Variants in UCHL5 observed in about 807,000 individuals in gnomAD.
UCHL5 encodes ubiquitin carboxyl-terminal hydrolase isozyme L5.
A neutral mutation model predicts 53.8 loss-of-function variants in UCHL5; 34 were observed. The observed-to-expected ratio is 0.63, with a 90% CI of 0.48 to 0.84. The LOEUF (loss-of-function observed/expected upper bound fraction) is 0.84, where lower values mean the gene tolerates loss of function less well. UCHL5 is among the 40% of genes least tolerant of loss of function. The pLI, the probability that UCHL5 is intolerant of heterozygous loss-of-function variation, is 0.00. For synonymous variants in UCHL5, 111 were observed against 126.3 expected, an observed-to-expected ratio of 0.88 and a Z score of 0.81; for missense variants, 290 against 385.6, an observed-to-expected ratio of 0.75 and a Z score of 2.08.
At chr1:193,053,776 A>AG (rs948486582) in intron 1 of UCHL5, among the ~76,000 whole-genome samples, 2 of 152,152 alleles carry the variant, frequency 1.3e-5, no homozygotes, top group African/African-American at 4.8e-5. Context: ...AAAGTTGAGG[A>AG]GGGGGGAAGG....
At chr1:193,043,298 G>C (rs1666321912) in intron 3 of UCHL5, among the ~76,000 whole-genome samples, 1 of 151,498 alleles carries the variant, frequency 6.6e-6, no homozygotes, top group South Asian at 2.1e-4. Flanking sequence ...GCTCTGCACA[G>C]TTCAGCTACA....
chr1:193,016,453 G>C, intron 10 of UCHL5, 58 bp from the exon 11 acceptor site: 1 of 1,506,012 alleles, frequency 6.6e-7, no homozygotes, highest in Non-Finnish European at 9.0e-7. Flanking sequence ...GACTATATTA[G>C]AATAAAATGT....
At chr1:193,041,905 T>A (rs1007384632) in intron 3 of UCHL5, among the ~76,000 whole-genome samples, 1 of 152,048 alleles carries the variant, frequency 6.6e-6, no homozygotes, top group Non-Finnish European at 1.5e-5. Flanking sequence ...GGGAGAATCA[T>A]TTGAGTCTAG....
chr1:193,025,354 T>C (rs1374309282), intron 7 of UCHL5, among the ~76,000 whole-genome samples: 1 of 152,120 alleles, frequency 6.6e-6, no homozygotes, highest in East Asian at 1.9e-4. Context: ...GGTTCCTAGG[T>C]TGGTATTTAA....
chr1:193,059,401 G>A (rs1381576361), upstream of UCHL5: 1 of 1,609,882 alleles, frequency 6.2e-7, no homozygotes, highest in Non-Finnish European at 8.5e-7. The surrounding 1 kb of genome is among the most constrained non-coding windows in gnomAD (Gnocchi z 4.9). Context: ...GACAGCCTCC[G>A]GGCGCCGTCA....
At chr1:193,046,885 A>G (rs1305854308) in intron 3 of UCHL5, among the ~76,000 whole-genome samples, 2 of 151,796 alleles carry the variant, frequency 1.3e-5, no homozygotes, top group African/African-American at 4.8e-5. Flanking sequence ...TTAGCAAACA[A>G]AATTATAAGG....
chr1:193,049,150 C>T (rs1158900064), intron 3 of UCHL5, among the ~76,000 whole-genome samples: 6 of 152,140 alleles, frequency 3.9e-5, no homozygotes, highest in South Asian at 2.1e-4. Flanking sequence ...CAGTGACTCA[C>T]GCCTGTAATC....
At chr1:193,043,374 G>A (rs1005143095) in intron 3 of UCHL5, among the ~76,000 whole-genome samples, 2 of 151,908 alleles carry the variant, frequency 1.3e-5, no homozygotes, top group African/African-American at 4.8e-5. Context: ...AATTAATCTG[G>A]AATGATCCTG....
chr1:193,059,837 T>A (rs1359665320), upstream of UCHL5: 2 of 1,360,970 alleles, frequency 1.5e-6, no homozygotes, highest in Admixed American at 3.9e-5. This position sits in a 1 kb window ranked among gnomAD's most constrained non-coding sequence, Gnocchi z 4.9. Flanking sequence ...ACGCGCAAAT[T>A]CTGACCAGTC....
intron 2 of UCHL5, among the ~76,000 whole-genome samples, chr1:193,051,463 T>C (rs1571909606): frequency 7.2e-6 from 1 of 137,934 alleles, no homozygotes; most frequent in Admixed American, 7.7e-5. Flanking sequence ...TATTGATATA[T>C]AAGTGAATTT....
rs993842220 is a variant in UCHL5 at position 193,014,690 on chromosome 1, G to A, written c.*1661C>T. ...CAGCTATTCTATTCTGGCTCCATTT[G>A]TTGAAAAGACTTTCCTTCTCTGTTG... On this transcript the variant is annotated 3_prime_UTR_variant, in exon 11 of 11. Transcript: ENST00000367454. 1 of 152,048 alleles carries A rather than the reference G, an allele frequency of 6.6e-6. No homozygotes were observed. The highest frequency in any genetic ancestry group is 2.4e-5 in the African/African-American group (1 of 41,416). 9.4% of individuals were successfully genotyped at this position (152,048 alleles called of 1,614,324 possible). A position where few individuals can be genotyped will look rare whatever the true frequency, so the allele number is the denominator to read the frequency against.
intron 6 of UCHL5, 120 bp from the exon 7 acceptor site, chr1:193,028,268 A>G (rs969853809): frequency 3.9e-6 from 3 of 764,788 alleles, no homozygotes; most frequent in African/African-American, 3.6e-5. Context: ...GAGCAGTAAA[A>G]CTCTTTTTAG....
chr1:193,059,372 G>C (rs550735071), upstream of UCHL5: 7 of 1,606,636 alleles, frequency 4.4e-6, no homozygotes, highest in Non-Finnish European at 5.9e-6. The surrounding 1 kb of genome is among the most constrained non-coding windows in gnomAD (Gnocchi z 4.9). Flanking sequence ...TCAACCACAC[G>C]TCACCCCGCC....
rs1654531713 is a variant in UCHL5 at position 193,013,970 on chromosome 1, A to G, written c.*2381T>C. On this transcript the variant is annotated 3_prime_UTR_variant, in exon 11 of 11. Transcript: ENST00000367454. ...GTTGGCAAGGTTTTTGTTGATAATA[A>G]CAGAAGTACATCCCTTAGAATTGGC... 6.6e-6 allele frequency: 1 copy of G among 152,172 alleles called. No individual in the cohort carries two copies. The highest frequency in any genetic ancestry group is 2.4e-5 in the African/African-American group (1 of 41,436). The allele number at this position is 152,172 out of a possible 1,614,324, so 9.4% of individuals were successfully genotyped here.
chr1:193,059,546 C>T (rs771722738), upstream of UCHL5: 7 of 1,542,104 alleles, frequency 4.5e-6, no homozygotes, highest in South Asian at 5.7e-5. This position sits in a 1 kb window ranked among gnomAD's most constrained non-coding sequence, Gnocchi z 4.9. Flanking sequence ...TTCACAGCGC[C>T]GAGGAGGCAA....
rs1379209273 is a variant in UCHL5 at position 193,016,294 on chromosome 1, A to G, written c.*57T>C. 6.3e-7 allele frequency: 1 copy of G among 1,586,568 alleles called. No homozygotes were observed. The highest frequency in any genetic ancestry group is 8.5e-7 in the Non-Finnish European group (1 of 1,169,608). On this transcript the variant is annotated 3_prime_UTR_variant, in exon 11 of 11. Transcript: ENST00000367454. ...TGTTGCTCTAAGTTCTTTATACATA[A>G]TGGTTTCCATGAAAATATGTGCAGA... is the stretch of plus-strand genomic sequence containing the variant.
chr1:193,043,438 T>A (rs1666361210), intron 3 of UCHL5, among the ~76,000 whole-genome samples: 1 of 152,186 alleles, frequency 6.6e-6, no homozygotes, highest in Non-Finnish European at 1.5e-5. Context: ...AGCTGAACTG[T>A]CACTTACTCA....
chr1:193,050,560 A>G (rs1668682762), intron 2 of UCHL5, among the ~76,000 whole-genome samples: 1 of 151,816 alleles, frequency 6.6e-6, no homozygotes, highest in South Asian at 2.1e-4. Flanking sequence ...TAGTGAAACC[A>G]CATCTCTACT....
intron 8 of UCHL5, 64 bp from the exon 9 acceptor site, chr1:193,023,100 T>C: frequency 4.1e-6 from 5 of 1,205,706 alleles, no homozygotes; most frequent in Non-Finnish European, 6.0e-6. Flanking sequence ...CAGAATATTT[T>C]AAAATGATAA....
Sources: allele counts gnomAD v4.1 joint callset (sites outside exome capture counted in the v4.1 genomes callset), GRCh38; gene constraint gnomAD v4.1.1; non-coding constraint Gnocchi (gnomAD v3.1); transcripts MANE v1.5; gene names NCBI Gene and HGNC (gene_info 2026-07-23, HGNC 2026-07-21).